Variants in GSAP observed in about 807,000 individuals in gnomAD.
GSAP encodes gamma-secretase activating protein.
GSAP carries 118 observed loss-of-function variants against 131.7 expected under a neutral mutation model. That is an observed-to-expected ratio of 0.90 (90% CI 0.77 to 1.04). The LOEUF (loss-of-function observed/expected upper bound fraction) is 1.04, where lower values mean the gene tolerates loss of function less well. Among genes scored for constraint, GSAP ranks in the 50% least tolerant of loss-of-function variants. GSAP has a pLI of 0.00. For synonymous variants in GSAP, 381 were observed against 363.4 expected (o/e 1.05, Z -0.55); for missense variants, 1,019 against 1,013.2 (o/e 1.01, Z -0.08).
chr7:77,337,685 C>T (rs1790246323), intron 19 of GSAP, among the ~76,000 whole-genome samples: 1 of 152,218 alleles, frequency 6.6e-6, no homozygotes, highest in East Asian at 1.9e-4. Flanking sequence ...CAATCTCTAA[C>T]AAGTGATGAA....
At chr7:77,354,310 T>C (rs1793341287) in intron 16 of GSAP, among the ~76,000 whole-genome samples, 1 of 152,192 alleles carries the variant, frequency 6.6e-6, no homozygotes, top group Non-Finnish European at 1.5e-5. Context: ...GATATTACTA[T>C]CGACAAGTAA....
At chr7:77,413,284 G>A (rs1401437975) in intron 1 of GSAP, among the ~76,000 whole-genome samples, 1 of 152,202 alleles carries the variant, frequency 6.6e-6, no homozygotes, top group East Asian at 1.9e-4. Flanking sequence ...GTTGTCCCAT[G>A]TTCAGTCAAA....
chr7:77,358,166 C>G (rs934014688), intron 14 of GSAP, among the ~76,000 whole-genome samples: 1 of 152,132 alleles, frequency 6.6e-6, no homozygotes, highest in Admixed American at 6.6e-5. Context: ...CATGACAAAA[C>G]CCCATCTCTA....
intron 12 of GSAP, among the ~76,000 whole-genome samples, chr7:77,363,868 G>A (rs535356994): frequency 2.6e-5 from 4 of 152,086 alleles, no homozygotes; most frequent in South Asian, 2.1e-4. Flanking sequence ...GCTGACTCAT[G>A]ACTCACTGAG....
intron 8 of GSAP, 32 bp downstream of exon 8, chr7:77,381,273 C>T (rs745526911): frequency 1.5e-6 from 2 of 1,320,948 alleles, no homozygotes; most frequent in Non-Finnish European, 2.1e-6. Flanking sequence ...GAAAAAAAAA[C>T]CTATGAAGCG....
chr7:77,396,301 T>A (rs1026810272), intron 5 of GSAP, among the ~76,000 whole-genome samples: 1 of 152,204 alleles, frequency 6.6e-6, no homozygotes, highest in Non-Finnish European at 1.5e-5. Flanking sequence ...TTTTCTTACA[T>A]TCAATCTGCT....
At chr7:77,328,168 G>A in intron 22 of GSAP, 1 of 979,178 alleles carries the variant, frequency 1.0e-6, no homozygotes, top group Non-Finnish European at 1.2e-6. Flanking sequence ...CTGCTTACCT[G>A]GAAGCTCCTC....
At chr7:77,399,941 G>A (rs1052642069) in intron 3 of GSAP, among the ~76,000 whole-genome samples, 23 of 152,076 alleles carry the variant, frequency 1.5e-4, no homozygotes, top group African/African-American at 5.3e-4. Flanking sequence ...GAAAACAGCA[G>A]AAATACTGAT....
chr7:77,336,831 T>C (rs555142827), intron 19 of GSAP, among the ~76,000 whole-genome samples: 76 of 152,292 alleles, frequency 5.0e-4, no homozygotes, highest in Non-Finnish European at 4.7e-4. Flanking sequence ...CTACCTCTAA[T>C]GAGTATTTCT....
chr7:77,355,791 T>C, intron 14 of GSAP, 144 bp from the exon 15 acceptor site: 1 of 463,312 alleles, frequency 2.2e-6, no homozygotes, highest in African/African-American at 2.2e-5. Flanking sequence ...CAGCCCGTTT[T>C]TTTTTTTTTT....
At chr7:77,330,788 T>C (rs78550826) in intron 19 of GSAP, 111,096 of 984,678 alleles carry the variant, frequency 0.11, 6,308 homozygotes, top group South Asian at 0.12. Context: ...AACATTTGGA[T>C]AAATGGAGTA....
chr7:77,377,375 C>T lies in GSAP; in HGVS notation c.592G>A (p.Gly198Ser). The change falls in exon 9 of 31, where the codon GGC becomes AGC. Residue 198 changes from glycine to serine, a missense_variant. Transcript: ENST00000257626. ...GCTATTCTGTCTCTTGGGAGATGGC[C>T]AGAATTTTTAATCACCTAAAAATGC... Reference protein sequence around the residue: ...DGNRVVIKNSGHLPRDRIAED... With the variant: ...DGNRVVIKNSSHLPRDRIAED... 6.8e-7 allele frequency: 1 copy of T among 1,475,818 alleles called. No homozygotes were observed. Among genetic ancestry groups the T allele is most frequent in the Non-Finnish European group, 8.9e-7 (1 of 1,118,644 alleles). 91.4% of individuals were successfully genotyped at this position (1,475,818 alleles called of 1,614,324 possible).
chr7:77,355,790 T>G (rs1368294924), intron 14 of GSAP, 143 bp from the exon 15 acceptor site: 1 of 338,118 alleles, frequency 3.0e-6, no homozygotes, highest in Non-Finnish European at 5.3e-6. Flanking sequence ...ACAGCCCGTT[T>G]TTTTTTTTTT....
intron 14 of GSAP, 77 bp from the exon 15 acceptor site, chr7:77,355,724 T>C: frequency 1.2e-6 from 1 of 829,806 alleles, no homozygotes; most frequent in Non-Finnish European, 2.0e-6. Flanking sequence ...TATCCCTGCT[T>C]GTCTCTGAAT....
chr7:77,362,468 C>CA, intron 13 of GSAP, 115 bp downstream of exon 13: 1 of 628,958 alleles, frequency 1.6e-6, no homozygotes, highest in Non-Finnish European at 2.9e-6. Flanking sequence ...GCCTGGGTGA[C>CA]AAAGGGAGAC....
At chr7:77,318,858 G>A (rs1017317508) in intron 26 of GSAP, among the ~76,000 whole-genome samples, 17 of 144,916 alleles carry the variant, frequency 1.2e-4, no homozygotes, top group Admixed American at 1.1e-3. Flanking sequence ...TATGTAAGAG[G>A]GACTACACCC....
intron 19 of GSAP, among the ~76,000 whole-genome samples, chr7:77,338,236 G>A (rs565967965): frequency 1.3e-5 from 2 of 152,256 alleles, no homozygotes; most frequent in South Asian, 4.1e-4. Context: ...TTTTATGAAA[G>A]TTGCCGTTTC....
chr7:77,368,985 G>A lies in GSAP; in HGVS notation c.871+5085C>T, dbSNP rs544253375. ...ATATCTCAACGTTGGCTAGCCTTGG[G>A]GAAACCATTTGGACAATGAAAACTA... On this transcript the variant is annotated intron_variant, in intron 12 of 30. Transcript: ENST00000257626. 7.2e-5 allele frequency among the ~76,000 whole-genome samples: 11 copies of A among 152,240 alleles called. No individual in the cohort carries two copies. The East Asian group carries it at 1.5e-3, about 21-fold the overall frequency.
Position 77,311,430 on chromosome 7 carries a change from T to C in GSAP, c.2493A>G (p.Gly831=). ...CAAATTCTGCATCCACATTGTCATG[T>C]CCTTCAAAAGGATACAGGGCTGGAA... is the stretch of plus-strand genomic sequence containing the variant. ...SSNQALYPFE[G]HDNVDAEFVE... The change falls in exon 31 of 31, where the codon GGA becomes GGG. Residue 831 remains glycine, a synonymous_variant. Transcript: ENST00000257626. 6.2e-7 allele frequency: 1 copy of C among 1,609,074 alleles called. No individual in the cohort carries two copies.
Sources: gnomAD v4.1 joint callset for allele counts (sites outside exome capture counted in the v4.1 genomes callset) on GRCh38, gnomAD v4.1.1 for gene constraint, MANE v1.5 for transcripts, NCBI Gene and HGNC (gene_info 2026-07-23, HGNC 2026-07-21) for gene names.